Variants in CYB561A3 observed in about 807,000 individuals in gnomAD.
The protein encoded by CYB561A3 is cytochrome b561 family member A3, also known as lysosomal membrane ascorbate-dependent ferrireductase CYB561A3.
CYB561A3 carries 16 observed loss-of-function variants against 25.3 expected under a neutral mutation model. The observed-to-expected ratio is 0.63, with a 90% CI of 0.43 to 0.96. CYB561A3 has a LOEUF of 0.96. Among genes scored for constraint, CYB561A3 ranks in the 40% least tolerant of loss-of-function variants. The pLI, the probability that CYB561A3 is intolerant of heterozygous loss-of-function variation, is 0.00. For missense variants in CYB561A3, 219 were observed against 307.5 expected, an observed-to-expected ratio of 0.71 and a Z score of 2.15; for synonymous variants, 131 against 129.9, an observed-to-expected ratio of 1.01 and a Z score of -0.06.
In CYB561A3 at chr11:61,350,254, G is replaced by C; in HGVS notation, c.*145C>G. 9.0e-7 allele frequency: 1 copy of C among 1,109,324 alleles called. No individual in the cohort carries two copies. Among genetic ancestry groups the C allele is most frequent in the South Asian group, 1.5e-5 (1 of 66,814 alleles). 68.7% of individuals were successfully genotyped at this position (1,109,324 alleles called of 1,614,324 possible). On this transcript the variant is annotated 3_prime_UTR_variant, in exon 7 of 7. Transcript: ENST00000294072. ...AGGCAGCAAGCGGCCGGAGAGGGCA[G>C]GCCAGCACCCAGGCAAGAAGTCTGG...
Position 61,353,913 on chromosome 11 carries a change from C to G in CYB561A3, c.264G>C (p.Leu88=), listed in dbSNP as rs1441505856. ...CCACAACAGTGAGGACGAAGGCCAT[C>G]AGGTGCAGCGCTGCATGGAGGAGTT... ...PWKLLHAALH[L]MAFVLTVVGL... Residue 88 remains leucine, a synonymous_variant, in exon 4 of 7, where the codon CTG becomes CTC. Transcript: ENST00000294072. The G allele has an allele frequency of 1.9e-6, 3 of 1,614,096 alleles. No homozygotes were observed. Among genetic ancestry groups the G allele is most frequent in the Non-Finnish European group, 2.5e-6 (3 of 1,180,046 alleles).
intron 3 of CYB561A3, 119 bp downstream of exon 3, chr11:61,356,411 A>AC: frequency 1.6e-5 from 9 of 548,002 alleles, no homozygotes; most frequent in Non-Finnish European, 2.6e-5. Flanking sequence ...AGACAGCCCA[A>AC]CCCACCCTAC....
Position 61,350,984 on chromosome 11 carries a change from C to T in CYB561A3, c.705+7G>A. 6.2e-7 allele frequency: 1 copy of T among 1,612,130 alleles called. No homozygotes were observed. The highest frequency in any genetic ancestry group is 8.5e-7 in the Non-Finnish European group (1 of 1,179,108). On this transcript the variant is annotated splice_region_variant and intron_variant, in intron 6 of 6. Coordinates refer to ENST00000294072, the MANE Select transcript of CYB561A3 (RefSeq NM_153611.6). ...CCCACCCTGGAATGTGGGACTGGAA[C>T]CCATACCTGTCTGTCGGTCAGGATC...
rs1341832271 is a variant in CYB561A3 at position 61,349,273 on chromosome 11, GC to G, written c.*1125del. The stretch of plus-strand genomic sequence containing the variant: ...GGGCCAGGCAAGCAGCCATGGTGGG[GC>G]CAGGTGAAGCAATGTGGGTCTCAGC... On this transcript the variant is annotated 3_prime_UTR_variant, in exon 7 of 7. Transcript: ENST00000294072. 2.3e-6 allele frequency: 1 copy of G among 430,152 alleles called. No individual in the cohort carries two copies. The highest frequency in any genetic ancestry group is 4.5e-5 in the East Asian group (1 of 22,014). 26.6% of individuals were successfully genotyped at this position (430,152 alleles called of 1,614,324 possible). A position where few individuals can be genotyped will look rare whatever the true frequency, so the allele number is the denominator to read the frequency against.
chr11:61,352,797 C>T, intron 5 of CYB561A3, 188 bp downstream of exon 5: 1 of 1,440,210 alleles, frequency 6.9e-7, no homozygotes, highest in Non-Finnish European at 9.1e-7. Context: ...AACTGATGCT[C>T]AATAAATATC....
chr11:61,350,404 C>A lies in CYB561A3; in HGVS notation c.724G>T (p.Glu242Ter). 2 of 1,610,828 alleles carry A rather than the reference C, an allele frequency of 1.2e-6. No homozygotes were observed. Among genetic ancestry groups the A allele is most frequent in the Non-Finnish European group, 1.7e-6 (2 of 1,178,944 alleles). The change falls in exon 7 of 7, where the codon GAG becomes TAG. Residue 242 changes from glutamate to a stop codon, truncating the protein, a stop_gained. Transcript: ENST00000294072. LOFTEE classifies it high-confidence loss of function. ...GGGAGCCCCTTCCTGCTGCTTCACT[C>A]CCCATCATGCAGCAGGGGCTGGAAA... ...TDRQPLLHDG[E>*]
At chr11:61,357,495 C>T in intron 2 of CYB561A3, 1 of 435,574 alleles carries the variant, frequency 2.3e-6, no homozygotes. Context: ...TCAGGCATGG[C>T]AAATGCTTAA....
intron 4 of CYB561A3, 59 bp downstream of exon 4, chr11:61,353,725 A>AC: frequency 6.4e-7 from 1 of 1,558,558 alleles, no homozygotes; most frequent in Non-Finnish European, 8.8e-7. Flanking sequence ...ATGCAAGTGA[A>AC]CCCCCAACCA....
Position 61,350,186 on chromosome 11 carries a change from G to C in CYB561A3, c.*213C>G, listed in dbSNP as rs113361441. The C allele has an allele frequency of 4.9e-6, 3 of 613,146 alleles. No individual in the cohort carries two copies. The highest frequency in any genetic ancestry group is 8.4e-6 in the Non-Finnish European group (3 of 355,282). The allele number at this position is 613,146 out of a possible 1,614,324, so 38.0% of individuals were successfully genotyped here. On this transcript the variant is annotated 3_prime_UTR_variant, in exon 7 of 7. Coordinates refer to ENST00000294072, the MANE Select transcript of CYB561A3 (RefSeq NM_153611.6). ...CAGACAGGCAGCAAGCGGCCGGAGA[G>C]GGCAGGCCCAGCACCCAGGCAAAGC... is the stretch of plus-strand genomic sequence containing the variant.
upstream of CYB561A3, chr11:61,362,252 A>G (rs7120780): frequency 0.046 from 6,983 of 152,364 alleles, 435 homozygotes; most frequent in African/African-American, 0.14. Flanking sequence ...GAACAGCGAA[A>G]GCTCCAACAT....
chr11:61,350,579 C>A, intron 6 of CYB561A3, 157 bp from the exon 7 acceptor site: 1 of 868,488 alleles, frequency 1.2e-6, no homozygotes, highest in South Asian at 1.6e-5. Context: ...TGGTACACAC[C>A]CCGTCTCCCT....
chr11:61,353,743 T>C (rs748639803), intron 4 of CYB561A3, 41 bp downstream of exon 4: 3 of 1,598,722 alleles, frequency 1.9e-6, no homozygotes, highest in South Asian at 1.1e-5. Context: ...CCAGAGCTCA[T>C]GGCTCTGGGA....
intron 4 of CYB561A3, 37 bp downstream of exon 4, chr11:61,353,747 T>C (rs1161338886): frequency 6.2e-7 from 1 of 1,610,848 alleles, no homozygotes; most frequent in South Asian, 1.1e-5. Context: ...AGCTCATGGC[T>C]CTGGGAACCT....
chr11:61,354,010 G>C lies in CYB561A3; in HGVS notation c.185-18C>G. On this transcript the variant is annotated intron_variant, in intron 3 of 6. Transcript: ENST00000294072. The stretch of plus-strand genomic sequence containing the variant: ...CAGTGACGCTGCAGGAGAGAGTAGT[G>C]CCAGGGCTCAGCCTCTCCCCTCGAG... 1.2e-6 allele frequency: 2 copies of C among 1,613,418 alleles called. No individual in the cohort carries two copies. Among genetic ancestry groups the C allele is most frequent in the East Asian group, 2.2e-5 (1 of 44,866 alleles).
intron 4 of CYB561A3, 133 bp downstream of exon 4, chr11:61,353,651 G>A (rs1287032140): frequency 2.4e-5 from 25 of 1,023,380 alleles, no homozygotes; most frequent in Non-Finnish European, 3.7e-5. Flanking sequence ...TAAACTGTCA[G>A]TTCTACAAGA....
At chr11:61,357,263 T>C (rs994412115) in intron 2 of CYB561A3, 40 of 1,549,224 alleles carry the variant, frequency 2.6e-5, no homozygotes, top group Non-Finnish European at 3.4e-5. Context: ...GGGGCTAATC[T>C]TCACTGGAGA....
intron 3 of CYB561A3, 151 bp downstream of exon 3, chr11:61,356,379 C>T (rs1321948019): frequency 4.0e-6 from 4 of 1,008,482 alleles, no homozygotes; most frequent in Non-Finnish European, 5.4e-6. Flanking sequence ...CCCTTCCTCC[C>T]CCAAATGACA....
intron 3 of CYB561A3, among the ~76,000 whole-genome samples, chr11:61,355,462 C>G (rs1590608190): frequency 6.6e-6 from 1 of 151,320 alleles, no homozygotes; most frequent in African/African-American, 2.4e-5. Context: ...GGTGGATCAC[C>G]TGAGGTCAGG....
rs1565063500 is a variant in CYB561A3, at chr11:61,349,162, G to T, written c.*1237C>A. 2 of 219,508 alleles carry T rather than the reference G, an allele frequency of 9.1e-6. No homozygotes were observed. Among genetic ancestry groups the T allele is most frequent in the Non-Finnish European group, 9.5e-6 (1 of 104,760 alleles). 13.6% of individuals were successfully genotyped at this position (219,508 alleles called of 1,614,324 possible). A position where few individuals can be genotyped will look rare whatever the true frequency, so the allele number is the denominator to read the frequency against. ...AAAGCCACAGCAGCAACACTTAGGA[G>T]CAAGACCCTTCCCGCTCTCCACCCT... On this transcript the variant is annotated 3_prime_UTR_variant, in exon 7 of 7. Transcript: ENST00000294072.
Sources: gnomAD v4.1 joint callset for allele counts (sites outside exome capture counted in the v4.1 genomes callset) on GRCh38, gnomAD v4.1.1 for gene constraint, MANE v1.5 for transcripts, NCBI Gene and HGNC (gene_info 2026-07-23, HGNC 2026-07-21) for gene names.